The following SCIN variants were observed in gnomAD, a reference collection of about 807,000 sequenced individuals.
The protein encoded by SCIN is adseverin.
In SCIN, 91 loss-of-function variants were observed where a neutral mutation model predicts 91.8. The observed-to-expected ratio is 0.99, with a 90% CI of 0.84 to 1.18. The LOEUF (loss-of-function observed/expected upper bound fraction) is 1.18. Ranked by LOEUF, SCIN falls within the 50% of genes most tolerant of loss-of-function variation. The pLI is 0.00. For missense variants in SCIN, 1,087 were observed against 863.9 expected (o/e 1.26, Z -3.24); for synonymous variants, 367 against 312.6 (o/e 1.17, Z -1.84).
At position 12,651,639 on chromosome 7, in the gene SCIN, G is replaced by C. The variant is rs1467924252; in HGVS notation, c.1960-202G>C. On this transcript the variant is annotated intron_variant, in intron 14 of 15. Transcript: ENST00000297029. This position sits in a 1 kb window ranked among gnomAD's most constrained non-coding sequence, Gnocchi z 5.9. ...GTGAAATCTGAAGTGAAACAGGCTG[G>C]ATGTAGATTTAGGTGTCTCCTGATG... Among the ~76,000 whole-genome samples, 5 of 152,108 alleles carry C rather than the reference G, an allele frequency of 3.3e-5. No individual in the cohort carries two copies. Among genetic ancestry groups the C allele is most frequent in the Non-Finnish European group, 7.4e-5 (5 of 68,012 alleles).
chr7:12,601,858 C>G (rs1782965275), intron 3 of SCIN, among the ~76,000 whole-genome samples: 1 of 152,178 alleles, frequency 6.6e-6, no homozygotes, highest in Admixed American at 6.5e-5. Context: ...CACTAATTTT[C>G]TACATCAGTA....
intron 13 of SCIN, among the ~76,000 whole-genome samples, chr7:12,648,756 A>T (rs973211146): frequency 6.6e-6 from 1 of 152,210 alleles, no homozygotes; most frequent in African/African-American, 2.4e-5. Flanking sequence ...CAAATTGACT[A>T]TATATGTGGG....
At position 12,626,280 on chromosome 7, in the gene SCIN, C is replaced by T. The variant is rs1280152994; in HGVS notation, c.982-304C>T. The T allele has an allele frequency of 2.2e-5, 8 of 363,420 alleles. No individual in the cohort carries two copies. The South Asian group carries it at 2.4e-4, about 11-fold the overall frequency. The allele number at this position is 363,420 out of a possible 1,614,324, so 22.5% of individuals were successfully genotyped here. The stretch of plus-strand genomic sequence containing the variant: ...TCATCTACTCTCCTCATTTTTATGT[C>T]CCTGCACAAGGAACACAATGAGATC... On this transcript the variant is annotated intron_variant, in intron 7 of 15. Transcript: ENST00000297029.
At chr7:12,641,299 C>G (rs908984902) in intron 11 of SCIN, among the ~76,000 whole-genome samples, 2 of 152,182 alleles carry the variant, frequency 1.3e-5, no homozygotes, top group Admixed American at 1.3e-4. Context: ...CACCTGATTT[C>G]TCTACGACTG....
intron 3 of SCIN, among the ~76,000 whole-genome samples, chr7:12,599,370 A>AGT (rs10659954): frequency 0.02 from 3,016 of 149,012 alleles, 35 homozygotes; most frequent in Middle Eastern, 0.045. Context: ...TTTCATGGTG[A>AGT]GTGTGTGTGT....
intron 10 of SCIN, among the ~76,000 whole-genome samples, chr7:12,639,567 A>G (rs1783816940): frequency 6.6e-6 from 1 of 152,212 alleles, no homozygotes; most frequent in Non-Finnish European, 1.5e-5. Flanking sequence ...AAATGCATCA[A>G]TAGTTTGTGT....
intron 4 of SCIN, among the ~76,000 whole-genome samples, chr7:12,607,710 A>G (rs1300522047): frequency 6.6e-6 from 1 of 152,208 alleles, no homozygotes; most frequent in Non-Finnish European, 1.5e-5. Context: ...TTTTCAGTGA[A>G]AACCTTTATT....
intron 4 of SCIN, among the ~76,000 whole-genome samples, chr7:12,605,104 T>C (rs1423911906): frequency 6.6e-6 from 1 of 152,072 alleles, no homozygotes; most frequent in African/African-American, 2.4e-5. Context: ...CAGGCTGGAG[T>C]GCAGTGGCAC....
chr7:12,652,791 G>C lies in SCIN; in HGVS notation c.*76G>C. 1 of 1,546,128 alleles carries C rather than the reference G, an allele frequency of 6.5e-7. No individual in the cohort carries two copies. The stretch of plus-strand genomic sequence containing the variant: ...CTGTTTTGGGAGAGGAACGGGAAAA[G>C]CTTTTTGCTTATTTGTCTTTTGAAA... On this transcript the variant is annotated 3_prime_UTR_variant, in exon 16 of 16. Transcript: ENST00000297029.
chr7:12,645,196 G>A (rs975213233), intron 13 of SCIN, among the ~76,000 whole-genome samples: 1 of 150,364 alleles, frequency 6.7e-6, no homozygotes, highest in East Asian at 2.0e-4. Flanking sequence ...GTGGGTGCCT[G>A]TAGTCCCAGC....
At position 12,640,507 on chromosome 7, in the gene SCIN, G is replaced by A. The variant is rs201219407; in HGVS notation, c.1571G>A (p.Arg524Lys). The A allele has an allele frequency of 3.7e-4, 601 of 1,609,810 alleles. 1 individual carries two copies. Among genetic ancestry groups the A allele is most frequent in the Non-Finnish European group, 5.0e-4 (585 of 1,178,140 alleles). ...QVRRNLASIT[R>K]IVEVDVDANS... ...CGGAGAAACCTGGCATCTATCACCA[G>A]AATTGTGGAGGTAATGTCATGCATT... The change falls in exon 11 of 16, where the codon AGA becomes AAA. Residue 524 changes from arginine to lysine, a missense_variant. By Grantham distance (26) the Arg-to-Lys change is conservative. Transcript: ENST00000297029.
rs1426779615 is a variant in SCIN, at chr7:12,651,415, G to C, written c.1960-426G>C. ...AAGGCAGATTTGCAGGGCTATTTCTGTTTGCAAGTCCTCTGAACAGCCATC... is the reference window on the plus strand; with the variant it reads ...AAGGCAGATTTGCAGGGCTATTTCTCTTTGCAAGTCCTCTGAACAGCCATC... On this transcript the variant is annotated intron_variant, in intron 14 of 15. Transcript: ENST00000297029. This position sits in a 1 kb window ranked among gnomAD's most constrained non-coding sequence, Gnocchi z 5.9. Among the ~76,000 whole-genome samples the C allele has an allele frequency of 6.6e-6, 1 of 152,110 alleles. No homozygotes were observed. The highest frequency in any genetic ancestry group is 2.4e-5 in the African/African-American group (1 of 41,416).
Position 12,655,934 on chromosome 7 carries a change from T to G in SCIN, c.*3219T>G, listed in dbSNP as rs1010929165. ...GTTAGTAGAGGTCAGCCTCATCTTT[T>G]CTCTCTGATTCAAGAAATTCATACT... is the stretch of plus-strand genomic sequence containing the variant. On this transcript the variant is annotated 3_prime_UTR_variant, in exon 16 of 16. Transcript: ENST00000297029. 19 of 152,132 alleles carry G rather than the reference T, an allele frequency of 1.2e-4. No individual in the cohort carries two copies. Among genetic ancestry groups the G allele is most frequent in the African/African-American group, 4.3e-4 (18 of 41,430 alleles). The allele number at this position is 152,132 out of a possible 1,614,324, so 9.4% of individuals were successfully genotyped here.
At chr7:12,573,220 C>G (rs1371025791) in intron 1 of SCIN, among the ~76,000 whole-genome samples, 1 of 152,022 alleles carries the variant, frequency 6.6e-6, no homozygotes, top group Non-Finnish European at 1.5e-5. Flanking sequence ...ATCAGAGAGA[C>G]AGATTGAGAG....
intron 1 of SCIN, chr7:12,577,532 A>AT (rs1562593086): frequency 2.2e-6 from 1 of 456,278 alleles, no homozygotes; most frequent in African/African-American, 2.0e-5. Context: ...TCTTTTTAAA[A>AT]TTTTTAAAGG....
At chr7:12,593,566 A>G (rs942492968) in intron 3 of SCIN, among the ~76,000 whole-genome samples, 1 of 152,220 alleles carries the variant, frequency 6.6e-6, no homozygotes, top group Non-Finnish European at 1.5e-5. Flanking sequence ...GTTCCTTCTC[A>G]GGAGGCAGGG....
Position 12,644,151 on chromosome 7 carries a change from C to T in SCIN, c.1595C>T (p.Ala532Val). ...ITRIVEVDVD[A>V]NSLNSNDVFV... ...TTCATATTCCAGGTTGATGTTGATG[C>T]AAATTCACTGAATTCTAACGATGTT... Residue 532 changes from alanine (A) to valine (V), a missense_variant, in exon 12 of 16, where the codon GCA becomes GTA. Coordinates refer to ENST00000297029, the MANE Select transcript of SCIN (RefSeq NM_001112706.3). 6.2e-7 allele frequency: 1 copy of T among 1,612,118 alleles called. No individual in the cohort carries two copies. Among genetic ancestry groups the T allele is most frequent in the African/African-American group, 1.3e-5 (1 of 74,988 alleles).
At chr7:12,652,382 A>G (rs1435866840) in intron 15 of SCIN, among the ~76,000 whole-genome samples, 6 of 152,236 alleles carry the variant, frequency 3.9e-5, no homozygotes, top group African/African-American at 1.4e-4. Context: ...TCAAAAAGAA[A>G]TTGTATTTGT....
intron 4 of SCIN, among the ~76,000 whole-genome samples, chr7:12,621,152 A>C (rs527402815): frequency 1.3e-5 from 2 of 152,160 alleles, no homozygotes; most frequent in Non-Finnish European, 2.9e-5. Flanking sequence ...TTTCTACGCC[A>C]GATGTAAAGC....
Sources: gnomAD v4.1 joint callset for allele counts (sites outside exome capture counted in the v4.1 genomes callset) on GRCh38, gnomAD v4.1.1 for gene constraint, Gnocchi (gnomAD v3.1) non-coding constraint, MANE v1.5 for transcripts, NCBI Gene and HGNC (gene_info 2026-07-23, HGNC 2026-07-21) for gene names.